STKLD1: variants seen among roughly 807,000 people sequenced by gnomAD.
STKLD1 encodes the protein serine/threonine kinase like domain containing 1, also known as serine/threonine kinase-like domain-containing protein STKLD1.
A neutral mutation model predicts 80.4 loss-of-function variants in STKLD1; 79 were observed. That is an observed-to-expected ratio of 0.98 (90% CI 0.82 to 1.19). The LOEUF (loss-of-function observed/expected upper bound fraction) is 1.19. STKLD1 is among the 50% of genes most tolerant of loss of function. STKLD1 has a pLI of 0.00. For synonymous variants in STKLD1, 393 were observed against 357.6 expected, an observed-to-expected ratio of 1.10 and a Z score of -1.12; for missense variants, 841 against 856.0, an observed-to-expected ratio of 0.98 and a Z score of 0.22.
At chr9:133,395,074 C>T (rs782060284) in intron 8 of STKLD1, among the ~76,000 whole-genome samples, 5 of 152,162 alleles carry the variant, frequency 3.3e-5, no homozygotes, top group Non-Finnish European at 7.4e-5. Context: ...TCCCCTTCTC[C>T]GCAGCACCAC....
chr9:133,400,484 G>A lies in STKLD1; in HGVS notation c.1153G>A (p.Val385Ile). The A allele has an allele frequency of 6.2e-7, 1 of 1,613,448 alleles. No homozygotes were observed. Among genetic ancestry groups the A allele is most frequent in the South Asian group, 1.1e-5 (1 of 91,088 alleles). Reference sequence around the variant, plus strand: ...GGAGCTACATGACAGGGTCCTCGATGTCCAGCTGTGTGCCTGCTCCCTGCT... The same window carrying A: ...GGAGCTACATGACAGGGTCCTCGATATCCAGCTGTGTGCCTGCTCCCTGCT... ...TMELHDRVLD[V>I]QLCACSLLLH... Residue 385 changes from valine to isoleucine, a missense_variant, in exon 12 of 18, where the codon GTC (valine) becomes ATC (isoleucine). Physicochemically the swap from Val to Ile is conservative, Grantham distance 29 (BLOSUM62 3). Coordinates refer to ENST00000371957, the MANE Select transcript of STKLD1 (RefSeq NM_153710.5).
intron 12 of STKLD1, among the ~76,000 whole-genome samples, chr9:133,400,973 T>C (rs1838689254): frequency 1.3e-5 from 2 of 152,034 alleles, no homozygotes; most frequent in South Asian, 2.1e-4. Flanking sequence ...TCAGGGAGGA[T>C]GGGTTGTGTC....
At chr9:133,383,724 G>A (rs1280208780) in intron 2 of STKLD1, 132 bp from the exon 3 acceptor site, 1 of 791,354 alleles carries the variant, frequency 1.3e-6, no homozygotes. Flanking sequence ...TTGTGGTAAT[G>A]ATGGTGATGG....
chr9:133,387,700 G>A, intron 5 of STKLD1, 152 bp downstream of exon 5: 1 of 711,616 alleles, frequency 1.4e-6, no homozygotes, highest in Non-Finnish European at 2.6e-6. Context: ...TGCACTCTAG[G>A]TAATGTGTGC....
At position 133,390,449 on chromosome 9, in the gene STKLD1, A is replaced by G. The variant is rs1838364728; in HGVS notation, c.468-232A>G. ...CTTGTGGTTGAGGATTTTTCCCCCGATTTAAAATAATTGAGTATATTTCTG... is the reference window on the plus strand; with the variant it reads ...CTTGTGGTTGAGGATTTTTCCCCCGGTTTAAAATAATTGAGTATATTTCTG... On this transcript the variant is annotated intron_variant, in intron 6 of 17. Coordinates refer to ENST00000371957, the MANE Select transcript of STKLD1 (RefSeq NM_153710.5). The surrounding 1 kb of genome is among the most constrained non-coding windows in gnomAD (Gnocchi z 5.1). Among the ~76,000 whole-genome samples, 1 of 152,142 alleles carries G rather than the reference A, an allele frequency of 6.6e-6. No homozygotes were observed. Among genetic ancestry groups the G allele is most frequent in the Admixed American group, 6.6e-5 (1 of 15,266 alleles).
intron 12 of STKLD1, 139 bp downstream of exon 12, chr9:133,400,668 G>A: frequency 1.3e-6 from 1 of 754,808 alleles, no homozygotes; most frequent in Admixed American, 1.9e-5. Flanking sequence ...GCACCTTCTA[G>A]GCCATCTTCT....
Position 133,384,221 on chromosome 9 carries a change from T to C in STKLD1, c.219+321T>C. On this transcript the variant is annotated intron_variant, in intron 3 of 17. Transcript: ENST00000371957. This position sits in a 1 kb window ranked among gnomAD's most constrained non-coding sequence, Gnocchi z 4.3. ...TGGGAGGCCGAGGCGGGTGGATCAC[T>C]TGAGGTCAGGAGTTCAAGACCAGCC... The C allele has an allele frequency of 3.5e-6, 1 of 283,750 alleles. No individual in the cohort carries two copies. The highest frequency in any genetic ancestry group is 8.5e-5 in the East Asian group (1 of 11,824). The allele number at this position is 283,750 out of a possible 1,614,324, so 17.6% of individuals were successfully genotyped here.
rs782123398 is a variant in STKLD1 at position 133,397,131 on chromosome 9, T to A, written c.867-33T>A. On this transcript the variant is annotated intron_variant, in intron 9 of 17. Coordinates refer to ENST00000371957, the MANE Select transcript of STKLD1 (RefSeq NM_153710.5). ...ACGGGGAGGTGGCAGGGGGCGCTGCTGGGTTACTCAGCCCTCTCTGCTCCT... is the reference window on the plus strand; with the variant it reads ...ACGGGGAGGTGGCAGGGGGCGCTGCAGGGTTACTCAGCCCTCTCTGCTCCT... The A allele has an allele frequency of 1.9e-6, 3 of 1,612,946 alleles. No individual in the cohort carries two copies. The South Asian group carries it at 3.3e-5, about 18-fold the overall frequency.
At position 133,400,416 on chromosome 9, in the gene STKLD1, T is replaced by C. The variant is rs782025644; in HGVS notation, c.1085T>C (p.Leu362Pro). Residue 362 changes from leucine to proline, a missense_variant, in exon 12 of 18, where the codon CTG becomes CCG. Leu to Pro is a moderately conservative substitution (Grantham distance 98). Coordinates refer to ENST00000371957, the MANE Select transcript of STKLD1 (RefSeq NM_153710.5). ...LLKMPADQLG[L>P]PWPPELVEVV... ...CCTGTGCCGCCCGCCCTGCCAGGTC[T>C]GCCGTGGCCCCCGGAGCTGGTGGAG... 1.2e-6 allele frequency: 2 copies of C among 1,612,074 alleles called. No individual in the cohort carries two copies. The highest frequency in any genetic ancestry group is 2.2e-5 in the South Asian group (2 of 91,090).
intron 2 of STKLD1, 29 bp downstream of exon 2, chr9:133,379,151 C>A (rs2130259819): frequency 1.3e-6 from 2 of 1,590,122 alleles, no homozygotes; most frequent in Non-Finnish European, 1.7e-6. Context: ...GCATCCCATG[C>A]CGGGTGGTTC....
In STKLD1 at chr9:133,394,964, C is replaced by T; in HGVS notation, c.702+555C>T. On this transcript the variant is annotated intron_variant, in intron 8 of 17. Transcript: ENST00000371957. This position sits in a 1 kb window ranked among gnomAD's most constrained non-coding sequence, Gnocchi z 4.9. ...GCCCCGCGAGCACTCCAAGGTCACT[C>T]TGGCTGCAGGGAGGCAGGGAAGTCC... 1 of 156,724 alleles carries T rather than the reference C, an allele frequency of 6.4e-6. No individual in the cohort carries two copies. Among genetic ancestry groups the T allele is most frequent in the Non-Finnish European group, 1.4e-5 (1 of 70,746 alleles). The allele number at this position is 156,724 out of a possible 1,614,324, so 9.7% of individuals were successfully genotyped here. A position where few individuals can be genotyped will look rare whatever the true frequency, so the allele number is the denominator to read the frequency against.
intron 7 of STKLD1, among the ~76,000 whole-genome samples, chr9:133,392,201 C>G (rs1367460688): frequency 6.6e-6 from 1 of 151,960 alleles, no homozygotes; most frequent in African/African-American, 2.4e-5. Context: ...CTCAGCCTCC[C>G]GAGTAGCTGG....
At chr9:133,382,352 T>G (rs1416561202) in intron 2 of STKLD1, among the ~76,000 whole-genome samples, 1 of 152,252 alleles carries the variant, frequency 6.6e-6, no homozygotes, top group Non-Finnish European at 1.5e-5. Context: ...CTCATTGCTC[T>G]AAGTATTTTT....
chr9:133,405,195 T>C (rs28489061), intron 17 of STKLD1, 57 bp from the exon 18 acceptor site: 128,510 of 1,533,050 alleles, frequency 0.084, 6,172 homozygotes, highest in African/African-American at 0.18. Flanking sequence ...TTCTGGGGCT[T>C]CTGGCAAGGG....
intron 3 of STKLD1, 97 bp downstream of exon 3, chr9:133,383,997 G>T: frequency 1.6e-6 from 2 of 1,222,492 alleles, no homozygotes; most frequent in Non-Finnish European, 2.4e-6. Flanking sequence ...TGAAGAGAAG[G>T]CTGGAGGGAG....
At chr9:133,400,069 C>G (rs1201402071) in intron 11 of STKLD1, among the ~76,000 whole-genome samples, 3 of 152,126 alleles carry the variant, frequency 2.0e-5, no homozygotes, top group Non-Finnish European at 4.4e-5. Context: ...CCCATGTCCA[C>G]CCTCAGGGCA....
chr9:133,400,232 C>T (rs972749543), intron 11 of STKLD1, among the ~76,000 whole-genome samples, 181 bp from the exon 12 acceptor site: 1 of 152,218 alleles, frequency 6.6e-6, no homozygotes, highest in Non-Finnish European at 1.5e-5. Flanking sequence ...CAGAGCAGGA[C>T]ACCCGTGGCA....
Position 133,404,813 on chromosome 9 carries a change from TGCA to T in STKLD1, c.1759_1761del (p.Gln587del), listed in dbSNP as rs1838805470. 2 of 1,613,070 alleles carry T rather than the reference TGCA, an allele frequency of 1.2e-6. No homozygotes were observed. Among genetic ancestry groups the T allele is most frequent in the African/African-American group, 2.7e-5 (2 of 74,986 alleles). ...GAGCTGGCGGCCTTCAAGGTGGTGG[TGCA>T]GGAGGAGGGCGGCAGTGGCCTCAGC... is the stretch of plus-strand genomic sequence containing the variant. On this transcript the variant is annotated inframe_deletion, in exon 17 of 18. Transcript: ENST00000371957.
At position 133,402,874 on chromosome 9, in the gene STKLD1, A is replaced by G; in HGVS notation, c.1340-4A>G. The G allele has an allele frequency of 6.3e-7, 1 of 1,595,586 alleles. No homozygotes were observed. The highest frequency in any genetic ancestry group is 8.5e-7 in the Non-Finnish European group (1 of 1,171,298). ...CTGGGGCCCTCATTCTGGCTCACCC[A>G]CAGAGTCAGAGTCACTGTCAGAGGA... On this transcript the variant is annotated splice_region_variant and splice_polypyrimidine_tract_variant and intron_variant, in intron 13 of 17. Coordinates refer to ENST00000371957, the MANE Select transcript of STKLD1 (RefSeq NM_153710.5).
Sources: allele counts gnomAD v4.1 joint callset (sites outside exome capture counted in the v4.1 genomes callset), GRCh38; gene constraint gnomAD v4.1.1; non-coding constraint Gnocchi (gnomAD v3.1); transcripts MANE v1.5; gene names NCBI Gene and HGNC (gene_info 2026-07-23, HGNC 2026-07-21).